The following INPP5D variants were observed in gnomAD, a reference collection of about 807,000 sequenced individuals.
INPP5D encodes the protein phosphatidylinositol 3,4,5-trisphosphate 5-phosphatase 1.
INPP5D carries 33 observed loss-of-function variants against 122.9 expected under a neutral mutation model. The ratio of observed to expected loss-of-function variants is 0.27; its 90% CI spans 0.20 to 0.36. INPP5D has a LOEUF of 0.36. Ranked by LOEUF, INPP5D falls within the 10% of genes least tolerant of loss-of-function variation. The probability of loss-of-function intolerance (pLI) is 1.00; values close to 1 mark genes in which losing one functional copy is unlikely to be tolerated. For synonymous variants in INPP5D, 584 were observed against 576.2 expected (o/e 1.01, Z -0.19); for missense variants, 1,053 against 1,412.7 (o/e 0.75, Z 4.08).
At chr2:233,094,510 CCCAAAAAAAAAAAAAA>C (rs1296068761) in intron 2 of INPP5D, among the ~76,000 whole-genome samples, 4 of 27,786 alleles carry the variant, frequency 1.4e-4, no homozygotes, top group African/African-American at 2.4e-4. Context: ...AAGACTCCAT[CCCAAAAAAAAAAAAAA>C]AAAAAAAAAA....
chr2:233,072,928 A>G (rs1691418653), intron 1 of INPP5D, among the ~76,000 whole-genome samples: 2 of 152,232 alleles, frequency 1.3e-5, no homozygotes, highest in African/African-American at 2.4e-5. Flanking sequence ...CTCAGGATCC[A>G]TTCCCACCCC....
At chr2:233,199,721 C>T (rs1301946078) in intron 25 of INPP5D, among the ~76,000 whole-genome samples, 5 of 151,428 alleles carry the variant, frequency 3.3e-5, no homozygotes, top group East Asian at 2.0e-4. Flanking sequence ...CCCAGCTACT[C>T]GGGAGGCTGA....
At chr2:233,179,819 A>G (rs1378466909) in intron 18 of INPP5D, among the ~76,000 whole-genome samples, 1 of 152,234 alleles carries the variant, frequency 6.6e-6, no homozygotes, top group East Asian at 1.9e-4. Context: ...TGGGAGCCTC[A>G]GTCTTCTCAT....
At chr2:233,066,979 T>G (rs896055980) in intron 1 of INPP5D, among the ~76,000 whole-genome samples, 1 of 152,196 alleles carries the variant, frequency 6.6e-6, no homozygotes, top group African/African-American at 2.4e-5. Context: ...GGTTTCACCA[T>G]GTTGGCTAGG....
intron 2 of INPP5D, among the ~76,000 whole-genome samples, chr2:233,091,271 T>C (rs1206479379): frequency 6.6e-6 from 1 of 152,210 alleles, no homozygotes; most frequent in African/African-American, 2.4e-5. Flanking sequence ...CTGTTTTTTC[T>C]TCATAGCCCT....
At chr2:233,141,426 G>C (rs1295390619) in intron 6 of INPP5D, 1 of 152,110 alleles carries the variant, frequency 6.6e-6, no homozygotes, top group African/African-American at 2.4e-5. Context: ...AATTAGCCAG[G>C]TGTGGTGGCG....
At chr2:233,148,708 G>T (rs966317605) in intron 9 of INPP5D, among the ~76,000 whole-genome samples, 2 of 151,986 alleles carry the variant, frequency 1.3e-5, no homozygotes, top group Non-Finnish European at 2.9e-5. Flanking sequence ...TTCTTCATCT[G>T]GGTGGCCAAT....
In INPP5D at chr2:233,197,498, C is replaced by T. The variant is rs1231335756; in HGVS notation, c.2694-597C>T. Among the ~76,000 whole-genome samples, 1 of 152,136 alleles carries T rather than the reference C, an allele frequency of 6.6e-6. No homozygotes were observed. The highest frequency in any genetic ancestry group is 1.5e-5 in the Non-Finnish European group (1 of 68,008). ...CCCCACCATCTCTCTGCCCTGCCAG[C>T]CTTGCCAGCTTCTCATTCCATCCTC... On this transcript the variant is annotated intron_variant, in intron 24 of 26. Coordinates refer to ENST00000445964, the MANE Select transcript of INPP5D (RefSeq NM_001017915.3). The surrounding 1 kb of genome is among the most constrained non-coding windows in gnomAD (Gnocchi z 4.4).
intron 2 of INPP5D, among the ~76,000 whole-genome samples, chr2:233,104,096 T>C (rs1277984764): frequency 6.8e-6 from 1 of 147,552 alleles, no homozygotes; most frequent in African/African-American, 2.5e-5. Context: ...CTGCAACCTC[T>C]GCCTCCCAGG....
intron 4 of INPP5D, among the ~76,000 whole-genome samples, chr2:233,130,108 T>G (rs749551575): frequency 6.6e-5 from 10 of 152,210 alleles, no homozygotes; most frequent in Non-Finnish European, 1.5e-4. Flanking sequence ...CCCCCCAGGC[T>G]GTTCTTGAAC....
chr2:233,133,151 T>A (rs1693376462), intron 5 of INPP5D, among the ~76,000 whole-genome samples: 1 of 152,142 alleles, frequency 6.6e-6, no homozygotes, highest in African/African-American at 2.4e-5. Flanking sequence ...CAGGCTGGTC[T>A]CCAATTCCTA....
At chr2:233,199,922 T>G (rs1695289397) in intron 25 of INPP5D, among the ~76,000 whole-genome samples, 1 of 152,198 alleles carries the variant, frequency 6.6e-6, no homozygotes, top group Non-Finnish European at 1.5e-5. Context: ...GGAGTTTCCA[T>G]GTAGAGCCTG....
intron 3 of INPP5D, among the ~76,000 whole-genome samples, chr2:233,124,594 G>A (rs1016291483): frequency 2.6e-5 from 4 of 152,164 alleles, no homozygotes; most frequent in Admixed American, 1.3e-4. Flanking sequence ...CACCAGCACC[G>A]CGCCCTGGCT....
chr2:233,079,420 A>T, intron 2 of INPP5D, 22 bp downstream of exon 2: 1 of 1,475,066 alleles, frequency 6.8e-7, no homozygotes, highest in Non-Finnish European at 9.5e-7. Flanking sequence ...ATAAACCTAG[A>T]AATCTGAACC....
At chr2:233,148,475 G>C (rs918803143) in intron 9 of INPP5D, among the ~76,000 whole-genome samples, 12 of 152,192 alleles carry the variant, frequency 7.9e-5, no homozygotes, top group African/African-American at 2.4e-4. Context: ...TCTGAGGGAA[G>C]AGCATCCCAG....
intron 2 of INPP5D, among the ~76,000 whole-genome samples, chr2:233,114,368 C>T (rs1322785336): frequency 1.3e-5 from 2 of 152,200 alleles, no homozygotes; most frequent in Non-Finnish European, 2.9e-5. Flanking sequence ...TTGAGACCAT[C>T]CTGAGGGCAG....
intron 1 of INPP5D, chr2:233,076,278 T>G (rs1691518743): frequency 6.6e-6 from 1 of 152,218 alleles, no homozygotes; most frequent in Non-Finnish European, 1.5e-5. Context: ...TCCACATTTG[T>G]CTGGCAGGCT....
intron 2 of INPP5D, among the ~76,000 whole-genome samples, chr2:233,106,276 C>G (rs1328444586): frequency 1.3e-4 from 20 of 152,292 alleles, no homozygotes; most frequent in Admixed American, 1.2e-3. Flanking sequence ...CTCAGCTGAA[C>G]CAGGCTGGAC....
chr2:233,130,522 A>G lies in INPP5D; in HGVS notation c.539A>G (p.His180Arg). 6.2e-7 allele frequency: 1 copy of G among 1,613,856 alleles called. No homozygotes were observed. Among genetic ancestry groups the G allele is most frequent in the Non-Finnish European group, 8.5e-7 (1 of 1,179,852 alleles). Residue 180 changes from histidine (H) to arginine (R), a missense_variant, in exon 5 of 27, where the codon CAT becomes CGT. Physicochemically the swap from His to Arg is conservative, Grantham distance 29. This residue lies in a region of INPP5D where 196 missense variants were observed against 175.6 expected (regional missense o/e 1.12). Coordinates refer to ENST00000445964, the MANE Select transcript of INPP5D (RefSeq NM_001017915.3). ...SMDTSGLPEE[H>R]LKAIQDYLST... ...CTTTTCTTTAGGCTTCCAGAAGAGC[A>G]TCTTAAGGCCATCCAAGATTATTTA...
Sources: allele counts gnomAD v4.1 joint callset (sites outside exome capture counted in the v4.1 genomes callset), GRCh38; gene constraint gnomAD v4.1.1; regional missense constraint gnomAD v4.1.1; non-coding constraint Gnocchi (gnomAD v3.1); transcripts MANE v1.5; gene names NCBI Gene and HGNC (gene_info 2026-07-23, HGNC 2026-07-21).